Variants in JAK2 observed in about 807,000 individuals in gnomAD.
JAK2 encodes tyrosine-protein kinase JAK2.
Under a neutral mutation model 139.3 loss-of-function variants are expected in JAK2, and 86 were observed. The ratio of observed to expected loss-of-function variants is 0.62; its 90% CI spans 0.52 to 0.74. JAK2 has a LOEUF of 0.74. Among genes scored for constraint, JAK2 ranks in the 30% least tolerant of loss-of-function variants. The pLI is 0.00. For synonymous variants in JAK2, 490 were observed against 437.7 expected (o/e 1.12, Z -1.49); for missense variants, 1,421 against 1,360.3 (o/e 1.04, Z -0.70).
At chr9:5,051,618 T>C (rs1817422029) in intron 6 of JAK2, among the ~76,000 whole-genome samples, 1 of 152,160 alleles carries the variant, frequency 6.6e-6, no homozygotes, top group Non-Finnish European at 1.5e-5. Context: ...ATGGCTAATA[T>C]AAAACTGCTT....
At chr9:5,014,425 C>A (rs957245861) in intron 2 of JAK2, among the ~76,000 whole-genome samples, 2 of 152,122 alleles carry the variant, frequency 1.3e-5, no homozygotes, top group African/African-American at 4.8e-5. Flanking sequence ...ATCCTAGGCA[C>A]TGAGTGCAGT....
chr9:4,986,683 T>C (rs1819965308), intron 2 of JAK2, among the ~76,000 whole-genome samples: 1 of 152,122 alleles, frequency 6.6e-6, no homozygotes. Context: ...AAAAGTGTTT[T>C]GGATTTTTTT....
At chr9:5,085,948 G>C in intron 19 of JAK2, 2 of 1,120,896 alleles carry the variant, frequency 1.8e-6, no homozygotes, top group Admixed American at 1.7e-5. Context: ...AGTTTGAAAG[G>C]ATCGGTGTAT....
chr9:5,073,515 G>C (rs896389511), intron 13 of JAK2, among the ~76,000 whole-genome samples, 183 bp from the exon 14 acceptor site: 1 of 152,128 alleles, frequency 6.6e-6, no homozygotes, highest in Non-Finnish European at 1.5e-5. Flanking sequence ...TTACACAGGG[G>C]TTTCCTCAGA....
In JAK2 at chr9:5,078,286, T is replaced by C. The variant is rs201488157; in HGVS notation, c.1993-20T>C. On this transcript the variant is annotated intron_variant, in intron 15 of 24. Coordinates refer to ENST00000381652, the MANE Select transcript of JAK2 (RefSeq NM_004972.4). ...ACTTGTGGACTGATATTTGAATATA[T>C]GTGCGTTTAACTCTAATAGGAAGAA... is the stretch of plus-strand genomic sequence containing the variant. 3.1e-5 allele frequency: 49 copies of C among 1,603,246 alleles called. No homozygotes were observed. The Admixed American group carries it at 4.2e-4, about 14-fold the overall frequency.
chr9:5,063,910 C>CACTT (rs1441131721), intron 8 of JAK2, among the ~76,000 whole-genome samples: 1 of 152,246 alleles, frequency 6.6e-6, no homozygotes, highest in Admixed American at 6.5e-5. Context: ...GTAATCCCAG[C>CACTT]ACTTTGGGAG....
Position 5,102,088 on chromosome 9 carries a change from T to C in JAK2, c.3059+11177T>C, listed in dbSNP as rs139252151. ...TTCAGAAGGTTGGTAATAACAAACT[T>C]CTCCAAGCTAAAGGAGGATGTTCAA... On this transcript the variant is annotated intron_variant, in intron 22 of 24. Coordinates refer to ENST00000381652, the MANE Select transcript of JAK2 (RefSeq NM_004972.4). 6.0e-3 allele frequency among the ~76,000 whole-genome samples: 915 copies of C among 152,134 alleles called. 41 individuals are homozygous for C. The highest frequency in any genetic ancestry group is 0.047 in the Admixed American group (718 of 15,292).
intron 14 of JAK2, among the ~76,000 whole-genome samples, chr9:5,077,102 G>C (rs1338647876): frequency 6.6e-6 from 1 of 151,680 alleles, no homozygotes; most frequent in Non-Finnish European, 1.5e-5. Flanking sequence ...AGGAAGGTTT[G>C]AATGTCTAAA....
At chr9:5,077,707 T>G in intron 15 of JAK2, 127 bp downstream of exon 15, 1 of 521,454 alleles carries the variant, frequency 1.9e-6, no homozygotes. Context: ...ATAGTCTGTG[T>G]TAGGTGATAA....
chr9:5,120,216 G>A (rs934451743), intron 22 of JAK2, among the ~76,000 whole-genome samples: 1 of 152,158 alleles, frequency 6.6e-6, no homozygotes, highest in African/African-American at 2.4e-5. Context: ...GGGCGAGAGG[G>A]GCCAAATGCT....
intron 22 of JAK2, among the ~76,000 whole-genome samples, chr9:5,095,797 C>G (rs991022277): frequency 1.3e-5 from 2 of 152,096 alleles, no homozygotes; most frequent in African/African-American, 2.4e-5. Flanking sequence ...TTGAATGATC[C>G]CAGTACTAAC....
chr9:5,126,106 C>G (rs1244209141), intron 23 of JAK2: 1 of 385,272 alleles, frequency 2.6e-6, no homozygotes, highest in Non-Finnish European at 4.6e-6. Context: ...GAGCCCTCCT[C>G]AGGGGATTTG....
rs575597555 is a variant in JAK2, at chr9:5,041,586, C to T, written c.351-2817C>T. The T allele has an allele frequency of 6.0e-6, 3 of 502,294 alleles. No individual in the cohort carries two copies. In the African/African-American group the frequency reaches 6.1e-5, roughly 10 times the overall value. 31.1% of individuals were successfully genotyped at this position (502,294 alleles called of 1,614,324 possible). On this transcript the variant is annotated intron_variant, in intron 4 of 24. Coordinates refer to ENST00000381652, the MANE Select transcript of JAK2 (RefSeq NM_004972.4). ...TACGTACCTGCACTACGTGCGGCGC[C>T]TGGACTTTGAGAAGCCCGACTGTGA...
intron 2 of JAK2, among the ~76,000 whole-genome samples, chr9:4,997,400 G>C (rs1299558638): frequency 2.6e-5 from 4 of 152,196 alleles, no homozygotes; most frequent in African/African-American, 9.7e-5. Flanking sequence ...CAAAAGCTAA[G>C]AGGGAGCAGG....
intron 22 of JAK2, among the ~76,000 whole-genome samples, chr9:5,104,376 T>A (rs2130764434): frequency 6.6e-6 from 1 of 152,298 alleles, no homozygotes; most frequent in Admixed American, 6.5e-5. Context: ...AGAAGTTGAA[T>A]CTCTGAATAG....
chr9:4,989,559 G>A (rs561424487), intron 2 of JAK2, among the ~76,000 whole-genome samples: 1 of 152,246 alleles, frequency 6.6e-6, no homozygotes, highest in Non-Finnish European at 1.5e-5. Context: ...GTTAATACTT[G>A]CAATGTAAAA....
At chr9:5,083,533 C>T (rs12343065) in intron 19 of JAK2, among the ~76,000 whole-genome samples, 35,565 of 152,078 alleles carry the variant, frequency 0.23, 4,568 homozygotes, top group South Asian at 0.3. Context: ...TTTTATACAA[C>T]TTAATCACAG....
At chr9:5,069,750 A>C (rs1818820562) in intron 11 of JAK2, among the ~76,000 whole-genome samples, 175 bp from the exon 12 acceptor site, 1 of 152,176 alleles carries the variant, frequency 6.6e-6, no homozygotes, top group South Asian at 2.1e-4. Flanking sequence ...AACTAAGAAG[A>C]AATATCAAAG....
intron 19 of JAK2, among the ~76,000 whole-genome samples, chr9:5,084,381 A>G (rs1819926030): frequency 6.6e-6 from 1 of 152,176 alleles, no homozygotes; most frequent in Non-Finnish European, 1.5e-5. Context: ...CCATTCCTAC[A>G]AAAATGATTG....
Sources: gnomAD v4.1 joint callset for allele counts (sites outside exome capture counted in the v4.1 genomes callset) on GRCh38, gnomAD v4.1.1 for gene constraint, MANE v1.5 for transcripts, NCBI Gene and HGNC (gene_info 2026-07-23, HGNC 2026-07-21) for gene names.